ADNP: variants seen among roughly 807,000 people sequenced by gnomAD.
ADNP encodes the protein activity-dependent neuroprotector homeobox protein.
In ADNP, 4 loss-of-function variants were observed where a neutral mutation model predicts 84.9. The observed-to-expected ratio is 0.05, with a 90% CI of 0.02 to 0.11. The LOEUF (loss-of-function observed/expected upper bound fraction) is 0.11, where lower values mean the gene tolerates loss of function less well. ADNP is among the 10% of genes least tolerant of loss of function. The pLI is 1.00. For synonymous variants in ADNP, 554 were observed against 468.1 expected, an observed-to-expected ratio of 1.18 and a Z score of -2.37; for missense variants, 1,132 against 1,326.0, an observed-to-expected ratio of 0.85 and a Z score of 2.27.
chr20:50,902,378 C>T (rs1406650601), intron 4 of ADNP, among the ~76,000 whole-genome samples: 2 of 152,230 alleles, frequency 1.3e-5, no homozygotes, highest in African/African-American at 4.8e-5. Context: ...AAAAATTCAG[C>T]CACACACTAA....
intron 5 of ADNP, among the ~76,000 whole-genome samples, chr20:50,898,474 TTGAA>T (rs1294478903): frequency 4.6e-5 from 7 of 152,244 alleles, no homozygotes. Flanking sequence ...AAGGCCCTTC[TTGAA>T]TTTTTGTTAG....
intron 2 of ADNP, among the ~76,000 whole-genome samples, chr20:50,925,813 G>C (rs1362337855): frequency 6.6e-6 from 1 of 152,046 alleles, no homozygotes; most frequent in East Asian, 1.9e-4. Flanking sequence ...ACAAAACTAG[G>C]AGAGGGGCTG....
chr20:50,898,868 T>A (rs1294907830), intron 5 of ADNP, among the ~76,000 whole-genome samples: 1 of 152,204 alleles, frequency 6.6e-6, no homozygotes, highest in Non-Finnish European at 1.5e-5. Flanking sequence ...AGTAAATACA[T>A]AAACTGGCAA....
chr20:50,922,435 G>A (rs1984015904), intron 2 of ADNP, among the ~76,000 whole-genome samples: 1 of 151,896 alleles, frequency 6.6e-6, no homozygotes, highest in Non-Finnish European at 1.5e-5. Context: ...AAAACTTGGG[G>A]AAACACTTAT....
rs1452494007 is a variant in ADNP at position 50,930,812 on chromosome 20, G to A, written c.-265+14C>T. 1.3e-5 allele frequency: 2 copies of A among 148,750 alleles called. No individual in the cohort carries two copies. The highest frequency in any genetic ancestry group is 4.9e-5 in the African/African-American group (2 of 40,982). The allele number at this position is 148,750 out of a possible 1,614,324, so 9.2% of individuals were successfully genotyped here. On this transcript the variant is annotated intron_variant, in intron 1 of 5. Coordinates refer to ENST00000621696, the MANE Select transcript of ADNP (RefSeq NM_001282531.3). ...GCAGGGCCGCGGGTCCGCGCGCGGC[G>A]GCGCCGGGCTTACCTTGACTCGGCC...
Position 50,891,308 on chromosome 20 carries a change from C to A in ADNP, c.*97G>T, listed in dbSNP as rs1011384387. The A allele has an allele frequency of 2.1e-6, 3 of 1,448,862 alleles. No individual in the cohort carries two copies. Among genetic ancestry groups the A allele is most frequent in the Admixed American group, 5.6e-5 (2 of 35,400 alleles). 89.8% of individuals were successfully genotyped at this position (1,448,862 alleles called of 1,614,324 possible). ...CACATGCCCCACAGTCCAACCAGTACTCACAAGGCAGTACCAGTGAGAAGA... is the reference window on the plus strand; with the variant it reads ...CACATGCCCCACAGTCCAACCAGTAATCACAAGGCAGTACCAGTGAGAAGA... On this transcript the variant is annotated 3_prime_UTR_variant, in exon 6 of 6. Coordinates refer to ENST00000621696, the MANE Select transcript of ADNP (RefSeq NM_001282531.3).
At position 50,891,864 on chromosome 20, in the gene ADNP, G is replaced by C. The variant is rs777909404; in HGVS notation, c.2850C>G (p.His950Gln). The part of the protein sequence containing the change: ...HLTEEPTKLM[H>Q]NASDSEVDQD... ...GGTCAACCTCACTATCAGATGCATT[G>C]TGCATTAGTTTGGTTGGTTCCTCAG... is the stretch of plus-strand genomic sequence containing the variant. The change falls in exon 6 of 6, where the codon CAC (histidine) becomes CAG (glutamine). Residue 950 changes from histidine (H) to glutamine (Q), a missense_variant. By Grantham distance (24) the His-to-Gln change is conservative. Coordinates refer to ENST00000621696, the MANE Select transcript of ADNP (RefSeq NM_001282531.3). 1.9e-6 allele frequency: 3 copies of C among 1,614,210 alleles called. No individual in the cohort carries two copies. Among genetic ancestry groups the C allele is most frequent in the Non-Finnish European group, 2.5e-6 (3 of 1,180,046 alleles).
chr20:50,912,155 A>G (rs1983096417), intron 2 of ADNP, among the ~76,000 whole-genome samples: 1 of 152,098 alleles, frequency 6.6e-6, no homozygotes. Flanking sequence ...TAAACTAGTG[A>G]TTTTCAAACC....
At chr20:50,910,312 T>C (rs1278861224) in intron 2 of ADNP, among the ~76,000 whole-genome samples, 1 of 152,204 alleles carries the variant, frequency 6.6e-6, no homozygotes, top group East Asian at 1.9e-4. Context: ...AGAATTAACA[T>C]TTGCAAGTAT....
At position 50,891,858 on chromosome 20, in the gene ADNP, T is replaced by G. The variant is rs367605121; in HGVS notation, c.2856A>C (p.Ala952=). 19 of 1,614,146 alleles carry G rather than the reference T, an allele frequency of 1.2e-5. No individual in the cohort carries two copies. The African/African-American group carries it at 2.5e-4, about 22-fold the overall frequency. ...CGTCTTGGTCAACCTCACTATCAGA[T>G]GCATTGTGCATTAGTTTGGTTGGTT... ...TEEPTKLMHN[A]SDSEVDQDDV... Residue 952 remains alanine (A), a synonymous_variant, in exon 6 of 6, where the codon GCA becomes GCC. Coordinates refer to ENST00000621696, the MANE Select transcript of ADNP (RefSeq NM_001282531.3).
chr20:50,919,277 A>C (rs1983748002), intron 2 of ADNP, among the ~76,000 whole-genome samples: 1 of 113,582 alleles, frequency 8.8e-6, no homozygotes, highest in Non-Finnish European at 1.7e-5. Context: ...CTGAAAAAAT[A>C]CATATATTTA....
In ADNP at chr20:50,893,821, A is replaced by G. The variant is rs1600934410; in HGVS notation, c.893T>C (p.Leu298Ser). 1.9e-6 allele frequency: 3 copies of G among 1,614,204 alleles called. No homozygotes were observed. The highest frequency in any genetic ancestry group is 2.7e-5 in the African/African-American group (2 of 75,048). The change falls in exon 6 of 6, where the codon TTA becomes TCA. Residue 298 changes from leucine to serine, a missense_variant. Leu to Ser is a moderately radical substitution (Grantham distance 145). Coordinates refer to ENST00000621696, the MANE Select transcript of ADNP (RefSeq NM_001282531.3). The surrounding 1 kb of genome is among the most constrained non-coding windows in gnomAD (Gnocchi z 4.4). ...TCGATTCACCATCTGCTGTGATGGT[A>G]AAGACCGGACATTTCCAGAAGCAAG... is the stretch of plus-strand genomic sequence containing the variant. ...GSLASGNVRSLPSQQMVNRLS... is the reference protein window; with the variant it reads ...GSLASGNVRSSPSQQMVNRLS...
chr20:50,896,673 C>T (rs1981429697), intron 5 of ADNP, among the ~76,000 whole-genome samples: 1 of 152,204 alleles, frequency 6.6e-6, no homozygotes, highest in Admixed American at 6.5e-5. Context: ...TATCTTCCAC[C>T]TTTACATCTT....
rs1394010509 is a variant in ADNP, at chr20:50,891,684, C to T, written c.3030G>A (p.Lys1010=). ...SSQSEDARSS[K]PAAKKKATMQ... ...TGGTAGCCTTTTTTTTGGCAGCTGG[C>T]TTACTGCTCCTTGCATCTTCGCTTT... Residue 1010 remains lysine (K), a synonymous_variant, in exon 6 of 6, where the codon AAG becomes AAA. Coordinates refer to ENST00000621696, the MANE Select transcript of ADNP (RefSeq NM_001282531.3). 1.9e-6 allele frequency: 3 copies of T among 1,614,198 alleles called. No individual in the cohort carries two copies. In the Admixed American group the frequency reaches 5.0e-5, roughly 27 times the overall value.
At chr20:50,926,917 ATCT>A (rs1486626946) in intron 2 of ADNP, among the ~76,000 whole-genome samples, 1 of 139,980 alleles carries the variant, frequency 7.1e-6, no homozygotes, top group East Asian at 2.0e-4. Context: ...AGCCAGCATC[ATCT>A]TATTTAATCA....
At position 50,919,285 on chromosome 20, in the gene ADNP, TTAAGTGTATATATA is replaced by T. The variant is rs1301851314; in HGVS notation, c.-90+9352_-90+9365del. Among the ~76,000 whole-genome samples the T allele has an allele frequency of 1.6e-3, 136 of 85,502 alleles. 2 individuals carry two copies. Among genetic ancestry groups the T allele is most frequent in the African/African-American group, 1.5e-3 (20 of 13,614 alleles). 56.1% of individuals were successfully genotyped at this position (85,502 alleles called of 152,430 possible). A position where few individuals can be genotyped will look rare whatever the true frequency, so the allele number is the denominator to read the frequency against. ...GACCAGCCTGAAAAAATACATATATTTAAGTGTATATATATATATATATATATATATGTAAAAAG... is the reference window on the plus strand; with the variant it reads ...GACCAGCCTGAAAAAATACATATATTTATATATATATATATATGTAAAAAG... On this transcript the variant is annotated intron_variant, in intron 2 of 5. Coordinates refer to ENST00000621696, the MANE Select transcript of ADNP (RefSeq NM_001282531.3).
chr20:50,920,314 C>T (rs1432965387), intron 2 of ADNP, among the ~76,000 whole-genome samples: 3 of 148,674 alleles, frequency 2.0e-5, no homozygotes, highest in Non-Finnish European at 4.4e-5. Context: ...AAAGCAGTGG[C>T]TCATGCCTGC....
chr20:50,930,115 C>T (rs894390174), intron 1 of ADNP, among the ~76,000 whole-genome samples: 9 of 152,110 alleles, frequency 5.9e-5, no homozygotes, highest in Admixed American at 2.0e-4. Context: ...AAAACTACTC[C>T]CCATTCATTA....
Position 50,910,260 on chromosome 20 carries a change from A to G in ADNP, c.-89-5411T>C, listed in dbSNP as rs114926974. Among the ~76,000 whole-genome samples the G allele has an allele frequency of 8.7e-3, 1,332 of 152,336 alleles. 16 individuals carry two copies. The highest frequency in any genetic ancestry group is 0.026 in the African/African-American group (1,084 of 41,574). On this transcript the variant is annotated intron_variant, in intron 2 of 5. Coordinates refer to ENST00000621696, the MANE Select transcript of ADNP (RefSeq NM_001282531.3). ...CTATATGAGAAGAGTTAAACACCCT[A>G]AATTCTAGAATTCAGAGAAAGCTCA...
Sources: allele counts gnomAD v4.1 joint callset (sites outside exome capture counted in the v4.1 genomes callset), GRCh38; gene constraint gnomAD v4.1.1; non-coding constraint Gnocchi (gnomAD v3.1); transcripts MANE v1.5; gene names NCBI Gene and HGNC (gene_info 2026-07-23, HGNC 2026-07-21).